Variants in HCRTR2 observed in about 807,000 individuals in gnomAD.
HCRTR2 encodes hypocretin receptor 2.
A neutral mutation model predicts 49.0 loss-of-function variants in HCRTR2; 22 were observed. That is an observed-to-expected ratio of 0.45 (90% CI 0.32 to 0.64). The LOEUF is 0.64. HCRTR2 is among the 30% of genes least tolerant of loss of function. The probability of loss-of-function intolerance (pLI) is 0.04; values close to 1 mark genes in which losing one functional copy is unlikely to be tolerated. For missense variants in HCRTR2, 491 were observed against 559.4 expected, an observed-to-expected ratio of 0.88 and a Z score of 1.23; for synonymous variants, 236 against 205.3, an observed-to-expected ratio of 1.15 and a Z score of -1.28.
intron 1 of HCRTR2, among the ~76,000 whole-genome samples, chr6:55,154,229 A>G (rs548080416): frequency 3.3e-5 from 5 of 151,948 alleles, no homozygotes; most frequent in South Asian, 4.1e-4. Flanking sequence ...TCATTCTTAT[A>G]CTCTTCCAAA....
downstream of HCRTR2, among the ~76,000 whole-genome samples, chr6:55,282,907 T>G (rs931827379): frequency 1.2e-4 from 19 of 152,032 alleles, no homozygotes; most frequent in Admixed American, 3.9e-4. Flanking sequence ...TTAAAAAAAA[T>G]CACAAGACTG....
intron 1 of HCRTR2, among the ~76,000 whole-genome samples, chr6:55,177,067 G>C (rs1463152275): frequency 6.6e-6 from 1 of 152,136 alleles, no homozygotes; most frequent in Non-Finnish European, 1.5e-5. Flanking sequence ...AGGGATACAT[G>C]TTTGCTAGCC....
intron 1 of HCRTR2, among the ~76,000 whole-genome samples, chr6:55,211,923 CCT>C (rs534273655): frequency 3.4e-4 from 51 of 152,190 alleles, no homozygotes; most frequent in African/African-American, 9.9e-4. Context: ...CCAGGGAGCC[CCT>C]GAGTATTGTC....
chr6:55,114,523 C>T (rs549874888), intron 1 of HCRTR2, among the ~76,000 whole-genome samples: 2 of 151,692 alleles, frequency 1.3e-5, no homozygotes, highest in South Asian at 4.1e-4. Context: ...TTCCGATAAC[C>T]CAGATTATCC....
intron 1 of HCRTR2, among the ~76,000 whole-genome samples, chr6:55,133,548 C>T (rs1199387724): frequency 6.6e-6 from 1 of 151,814 alleles, no homozygotes. Flanking sequence ...TTATTGATGA[C>T]CTCACTAACA....
intron 1 of HCRTR2, among the ~76,000 whole-genome samples, chr6:55,225,935 A>ATTGT (rs1765995401): frequency 6.6e-6 from 1 of 152,190 alleles, no homozygotes; most frequent in Admixed American, 6.5e-5. Flanking sequence ...CATTTTCAAA[A>ATTGT]TCTTTTCATT....
chr6:55,113,519 A>G (rs1218659241), intron 1 of HCRTR2, among the ~76,000 whole-genome samples: 1 of 152,116 alleles, frequency 6.6e-6, no homozygotes, highest in Non-Finnish European at 1.5e-5. Context: ...GCCAATAAAC[A>G]TTTGAAAAAA....
upstream of HCRTR2, among the ~76,000 whole-genome samples, chr6:55,169,963 A>C (rs1185851960): frequency 6.6e-6 from 1 of 152,082 alleles, no homozygotes; most frequent in East Asian, 1.9e-4. Flanking sequence ...ACCTGCAAAA[A>C]AGATGATCTC....
intron 1 of HCRTR2, among the ~76,000 whole-genome samples, chr6:55,203,538 T>C (rs955538768): frequency 1.3e-5 from 2 of 152,116 alleles, no homozygotes; most frequent in African/African-American, 4.8e-5. Context: ...CATTAAAATT[T>C]TAGATGAAGT....
chr6:55,219,171 C>T (rs112180517), intron 1 of HCRTR2, among the ~76,000 whole-genome samples: 2,283 of 152,194 alleles, frequency 0.015, 52 homozygotes, highest in African/African-American at 0.049. Context: ...CAATGAGAAG[C>T]GGATTGAACA....
intron 1 of HCRTR2, among the ~76,000 whole-genome samples, chr6:55,155,289 G>A (rs1337857834): frequency 6.6e-6 from 1 of 151,730 alleles, no homozygotes; most frequent in African/African-American, 2.4e-5. Flanking sequence ...TGTTAGAATG[G>A]ATTTCCTTTT....
At chr6:55,266,863 T>C (rs575429239) in intron 4 of HCRTR2, among the ~76,000 whole-genome samples, 2 of 152,146 alleles carry the variant, frequency 1.3e-5, no homozygotes, top group Admixed American at 1.3e-4. Context: ...AGCATATAGT[T>C]TGACATTTCC....
At chr6:55,162,500 A>G (rs1764820906) in intron 1 of HCRTR2, among the ~76,000 whole-genome samples, 1 of 152,162 alleles carries the variant, frequency 6.6e-6, no homozygotes, top group South Asian at 2.1e-4. Flanking sequence ...CAATCAGGCA[A>G]GAGAAAGAAA....
chr6:55,116,202 T>C (rs1764113697), intron 1 of HCRTR2, among the ~76,000 whole-genome samples: 1 of 151,716 alleles, frequency 6.6e-6, no homozygotes, highest in Non-Finnish European at 1.5e-5. Context: ...GCAGAAGTTC[T>C]TTTATTTATA....
chr6:55,249,108 A>G (rs1581856141), intron 2 of HCRTR2, among the ~76,000 whole-genome samples: 2 of 151,994 alleles, frequency 1.3e-5, no homozygotes, highest in Non-Finnish European at 2.9e-5. Context: ...TTTTATTCCA[A>G]ATTTGATCCC....
At chr6:55,141,440 T>C (rs1764506136) in intron 1 of HCRTR2, among the ~76,000 whole-genome samples, 1 of 152,252 alleles carries the variant, frequency 6.6e-6, no homozygotes, top group African/African-American at 2.4e-5. Flanking sequence ...GGCAGATACC[T>C]AAGTTTACAA....
intron 1 of HCRTR2, among the ~76,000 whole-genome samples, chr6:55,247,852 G>A (rs1291001278): frequency 6.6e-6 from 1 of 152,026 alleles, no homozygotes; most frequent in African/African-American, 2.4e-5. Context: ...TAATAGAAAG[G>A]AGACAAAATT....
intron 1 of HCRTR2, among the ~76,000 whole-genome samples, chr6:55,145,932 A>C (rs958628373): frequency 3.3e-5 from 5 of 152,194 alleles, no homozygotes; most frequent in African/African-American, 1.2e-4. Flanking sequence ...TCAACAACAA[A>C]AAAATGACCA....
intron 1 of HCRTR2, among the ~76,000 whole-genome samples, chr6:55,160,266 C>A (rs1387363772): frequency 1.3e-5 from 2 of 152,166 alleles, no homozygotes; most frequent in Admixed American, 6.5e-5. Flanking sequence ...AAATAAAATC[C>A]TTTACAGACA....
Sources: gnomAD v4.1 joint callset for allele counts (sites outside exome capture counted in the v4.1 genomes callset) on GRCh38, gnomAD v4.1.1 for gene constraint, MANE v1.5 for transcripts, NCBI Gene and HGNC (gene_info 2026-07-23, HGNC 2026-07-21) for gene names.